The following GRAMD1B variants were observed in gnomAD, a reference collection of about 807,000 sequenced individuals.
GRAMD1B encodes GRAM domain containing 1B, also known as protein Aster-B.
GRAMD1B carries 37 observed loss-of-function variants against 99.7 expected under a neutral mutation model. The ratio of observed to expected loss-of-function variants is 0.37; its 90% confidence interval spans 0.29 to 0.49. The LOEUF (loss-of-function observed/expected upper bound fraction) is 0.49, where lower values mean the gene tolerates loss of function less well. GRAMD1B is among the 20% of genes least tolerant of loss of function. The pLI is 0.98. For synonymous variants in GRAMD1B, 427 were observed against 387.6 expected (o/e 1.10, Z -1.19); for missense variants, 888 against 1,009.2 (o/e 0.88, Z 1.63).
chr11:123,609,125 G>T (rs577401286), intron 12 of GRAMD1B, among the ~76,000 whole-genome samples: 11 of 152,212 alleles, frequency 7.2e-5, no homozygotes, highest in African/African-American at 2.4e-4. Context: ...TCACTCGCTG[G>T]CAGCACCCAC....
rs1158539712 is a variant in GRAMD1B at position 123,624,491 on chromosome 11, A to T, written c.*1896A>T. The stretch of plus-strand genomic sequence containing the variant: ...GGATATTCCTCCCCTAGAAGAGGAG[A>T]TGGGAGGAAATGCAGTTTCATGTAA... On this transcript the variant is annotated 3_prime_UTR_variant, in exon 20 of 20. Transcript: ENST00000635736. 1.3e-5 allele frequency: 2 copies of T among 152,152 alleles called. No homozygotes were observed. Among genetic ancestry groups the T allele is most frequent in the African/African-American group, 4.8e-5 (2 of 41,422 alleles). 9.4% of individuals were successfully genotyped at this position (152,152 alleles called of 1,614,324 possible). A position where few individuals can be genotyped will look rare whatever the true frequency, so the allele number is the denominator to read the frequency against.
intron 1 of GRAMD1B, among the ~76,000 whole-genome samples, chr11:123,402,443 G>A (rs1186469247): frequency 1.3e-5 from 2 of 152,212 alleles, no homozygotes; most frequent in African/African-American, 4.8e-5. Context: ...CCTGTATTGA[G>A]TACGAGGTGT....
intron 4 of GRAMD1B, among the ~76,000 whole-genome samples, chr11:123,585,352 G>T (rs571243319): frequency 3.3e-5 from 5 of 152,300 alleles, no homozygotes; most frequent in Admixed American, 1.3e-4. Context: ...CCTACTTGGC[G>T]CTGGGCGGTT....
intron 3 of GRAMD1B, among the ~76,000 whole-genome samples, chr11:123,583,386 GTA>G (rs1949668046): frequency 1.4e-5 from 1 of 73,430 alleles, no homozygotes. Context: ...TGTGTGGTGT[GTA>G]TGTGTGCGTG....
intron 17 of GRAMD1B, among the ~76,000 whole-genome samples, chr11:123,615,879 G>A (rs1389082393): frequency 6.6e-6 from 1 of 152,208 alleles, no homozygotes; most frequent in Admixed American, 6.5e-5. Flanking sequence ...ACAAGGTCTA[G>A]GACGGTCCTG....
chr11:123,507,042 T>TTGGTCATTCAGGAGACTGGGTG (rs1940506526), intron 2 of GRAMD1B, among the ~76,000 whole-genome samples: 1 of 152,240 alleles, frequency 6.6e-6, no homozygotes. Context: ...GTAGATGTTT[T>TTGGTCATTCAGGAGACTGGGTG]TGGTCATTCA....
chr11:123,472,218 ACT>A (rs1477658845), intron 1 of GRAMD1B, among the ~76,000 whole-genome samples: 2 of 147,798 alleles, frequency 1.4e-5, no homozygotes, highest in South Asian at 2.2e-4. Flanking sequence ...ATGGAGCAAG[ACT>A]CTGTCTCAAA....
chr11:123,525,777 C>T (rs1020499814), intron 2 of GRAMD1B: 7 of 284,026 alleles, frequency 2.5e-5, no homozygotes, highest in Non-Finnish European at 4.7e-5. Context: ...TGGGGGGCAG[C>T]CGGCCAGCCT....
chr11:123,504,424 G>A (rs1331398188), intron 2 of GRAMD1B, among the ~76,000 whole-genome samples: 2 of 152,182 alleles, frequency 1.3e-5, no homozygotes, highest in Non-Finnish European at 2.9e-5. Context: ...TCTCCTAGAA[G>A]CTGATCTTCA....
upstream of GRAMD1B, among the ~76,000 whole-genome samples, chr11:123,426,748 C>G (rs1014834291): frequency 6.6e-6 from 1 of 152,120 alleles, no homozygotes; most frequent in Non-Finnish European, 1.5e-5. Flanking sequence ...AATAAGGTGT[C>G]CGGGGTGCCA....
chr11:123,394,761 C>T (rs956119223), intron 1 of GRAMD1B, among the ~76,000 whole-genome samples: 2 of 152,180 alleles, frequency 1.3e-5, no homozygotes, highest in African/African-American at 4.8e-5. Context: ...TTATTTCTCA[C>T]AGTTCTAGAG....
rs58968835 is a variant in GRAMD1B at position 123,359,449 on chromosome 11, A to G, written c.-176+650A>G. ...TTACTCTTGTGGAGTAGATGAAGGA[A>G]TGAGAAGGTGTGGTCATTAGAATGA... On this transcript the variant is annotated intron_variant, in intron 1 of 20. Coordinates refer to the GRAMD1B transcript ENST00000638157. Among the ~76,000 whole-genome samples the G allele has an allele frequency of 6.9e-3, 1,042 of 152,114 alleles. 7 individuals are homozygous for G. The highest frequency in any genetic ancestry group is 0.024 in the African/African-American group (981 of 41,488).
chr11:123,521,333 T>G (rs1942182383), intron 2 of GRAMD1B, among the ~76,000 whole-genome samples: 1 of 152,252 alleles, frequency 6.6e-6, no homozygotes. Flanking sequence ...TTTATTGCTT[T>G]CTTTTCTGAA....
intron 2 of GRAMD1B, among the ~76,000 whole-genome samples, chr11:123,541,723 T>C (rs1029411594): frequency 4.6e-5 from 7 of 152,208 alleles, no homozygotes; most frequent in African/African-American, 1.7e-4. Context: ...TTTGTTTGAA[T>C]ATAATCACAT....
intron 17 of GRAMD1B, among the ~76,000 whole-genome samples, chr11:123,615,039 A>G (rs1954162303): frequency 6.6e-6 from 1 of 152,152 alleles, no homozygotes; most frequent in Non-Finnish European, 1.5e-5. Flanking sequence ...TTCAGCATTT[A>G]CTGTATGCTA....
At chr11:123,413,551 T>C (rs1351393214) in intron 1 of GRAMD1B, among the ~76,000 whole-genome samples, 1 of 152,026 alleles carries the variant, frequency 6.6e-6, no homozygotes, top group Non-Finnish European at 1.5e-5. Context: ...ATGTTCCACA[T>C]GGGAAGGAAC....
At chr11:123,575,405 A>G (rs188865597) in intron 2 of GRAMD1B, among the ~76,000 whole-genome samples, 184 of 151,734 alleles carry the variant, frequency 1.2e-3, no homozygotes, top group Non-Finnish European at 2.0e-3. Context: ...CTGGTCTCAA[A>G]CTCGTGGTCT....
At chr11:123,401,966 T>G (rs1392265738) in intron 1 of GRAMD1B, among the ~76,000 whole-genome samples, 2 of 152,136 alleles carry the variant, frequency 1.3e-5, no homozygotes, top group Non-Finnish European at 2.9e-5. Flanking sequence ...GTTGTTACAC[T>G]GGGGTGAGCA....
Position 123,474,118 on chromosome 11 carries a change from CACACTA to C in GRAMD1B, c.375-6695_375-6690del, listed in dbSNP as rs538321842. The stretch of plus-strand genomic sequence containing the variant: ...CACTGGCTATTTCAAAATATTCTGA[CACACTA>C]ACTGAATACTCAGTGTAATAGATAT... On this transcript the variant is annotated intron_variant, in intron 1 of 19. Coordinates refer to ENST00000635736, the MANE Select transcript of GRAMD1B (RefSeq NM_001387025.1). Among the ~76,000 whole-genome samples, 1,277 of 152,328 alleles carry C rather than the reference CACACTA, an allele frequency of 8.4e-3. 18 individuals carry two copies. The highest frequency in any genetic ancestry group is 0.013 in the Non-Finnish European group (889 of 68,034).
Sources: allele counts gnomAD v4.1 joint callset (sites outside exome capture counted in the v4.1 genomes callset), GRCh38; gene constraint gnomAD v4.1.1; transcripts MANE v1.5; gene names NCBI Gene and HGNC (gene_info 2026-07-23, HGNC 2026-07-21).